TMCO6: variants seen among roughly 807,000 people sequenced by gnomAD.
The protein encoded by TMCO6 is transmembrane and coiled-coil domains 6, also known as transmembrane and coiled-coil domain-containing protein 6.
TMCO6 carries 47 observed loss-of-function variants against 61.8 expected under a neutral mutation model. That is an observed-to-expected ratio of 0.76 (90% CI 0.60 to 0.97). The LOEUF is 0.97. TMCO6 is among the 50% of genes least tolerant of loss of function. The probability of loss-of-function intolerance (pLI) is 0.00; values close to 1 mark genes in which losing one functional copy is unlikely to be tolerated. For synonymous variants in TMCO6, 261 were observed against 254.2 expected (o/e 1.03, Z -0.25); for missense variants, 557 against 601.6 (o/e 0.93, Z 0.78).
chr5:140,632,089 G>A, the TMCO6 span: 1 of 1,614,208 alleles, frequency 6.2e-7, no homozygotes, highest in East Asian at 2.2e-5. The surrounding 1 kb of genome is among the most constrained non-coding windows in gnomAD (Gnocchi z 6.2). Flanking sequence ...AGCACTCTGA[G>A]CTTGGCTGGC....
intron 6 of TMCO6, 35 bp downstream of exon 6, chr5:140,642,706 G>T: frequency 6.2e-7 from 1 of 1,609,668 alleles, no homozygotes; most frequent in Non-Finnish European, 8.5e-7. Context: ...GCAGCCAGAG[G>T]TGACCCACTC....
rs750360790 is a variant in TMCO6, at chr5:140,645,031, G to C, written c.1415G>C (p.Arg472Thr). The C allele has an allele frequency of 6.2e-7, 1 of 1,614,218 alleles. No homozygotes were observed. The highest frequency in any genetic ancestry group is 8.5e-7 in the Non-Finnish European group (1 of 1,180,040). ...CAGTCAGGGCTGCAAGCCCTGGAAA[G>C]GCATCAGGAAGAGGCCCAGCTCCAG... is the stretch of plus-strand genomic sequence containing the variant. ...LQQSGLQALE[R>T]HQEEAQLQDR... Residue 472 changes from arginine to threonine, a missense_variant, in exon 12 of 12, where the codon AGG (arginine) becomes ACG (threonine). Coordinates refer to ENST00000394671, the MANE Select transcript of TMCO6 (RefSeq NM_018502.5).
the TMCO6 span, among the ~76,000 whole-genome samples, chr5:140,605,689 C>T: frequency 8.8e-6 from 1 of 113,922 alleles, no homozygotes; most frequent in East Asian, 2.6e-4. Flanking sequence ...CAAAAAAAAA[C>T]AAAACACACA....
the TMCO6 span, among the ~76,000 whole-genome samples, chr5:140,624,470 T>C: frequency 1.3e-5 from 2 of 152,180 alleles, no homozygotes; most frequent in Admixed American, 6.5e-5. Context: ...TAGAACATTT[T>C]TATCACCCCA....
the TMCO6 span, among the ~76,000 whole-genome samples, chr5:140,614,432 C>T: frequency 6.6e-6 from 1 of 152,012 alleles, no homozygotes; most frequent in Admixed American, 6.6e-5. Context: ...TGCTTGAACC[C>T]GGGAAGCAGA....
chr5:140,630,755 G>T, the TMCO6 span, among the ~76,000 whole-genome samples: 1 of 152,192 alleles, frequency 6.6e-6, no homozygotes. Flanking sequence ...GTCTGGTTCT[G>T]GTAATGTCTG....
At chr5:140,604,937 C>A in the TMCO6 span, among the ~76,000 whole-genome samples, 2 of 152,004 alleles carry the variant, frequency 1.3e-5, no homozygotes, top group East Asian at 3.8e-4. Flanking sequence ...TACAGTTGTT[C>A]TGTGTCAATA....
At chr5:140,602,835 C>T in the TMCO6 span, among the ~76,000 whole-genome samples, 1 of 150,890 alleles carries the variant, frequency 6.6e-6, no homozygotes. Context: ...AATGGCCATG[C>T]GTGGTGGCTC....
chr5:140,628,011 C>CTTT, the TMCO6 span, among the ~76,000 whole-genome samples: 2 of 144,126 alleles, frequency 1.4e-5, no homozygotes, highest in Non-Finnish European at 3.0e-5. Flanking sequence ...GGTTGACTAT[C>CTTT]TTTTTTTTTT....
At chr5:140,647,561 C>T (rs1296193940), downstream of TMCO6, 2 of 1,611,242 alleles carry the variant, frequency 1.2e-6, no homozygotes, top group Admixed American at 3.3e-5. Flanking sequence ...CCCGACTCCT[C>T]GACTTGCTGC....
chr5:140,640,414 T>C (rs1440412215), intron 2 of TMCO6, among the ~76,000 whole-genome samples: 1 of 150,314 alleles, frequency 6.7e-6, no homozygotes, highest in South Asian at 2.1e-4. Context: ...TCTTTTCTTT[T>C]CTTTTTTTTT....
At chr5:140,619,356 G>C in the TMCO6 span, among the ~76,000 whole-genome samples, 2 of 152,042 alleles carry the variant, frequency 1.3e-5, no homozygotes, top group African/African-American at 4.8e-5. Context: ...CAAGCAGCCA[G>C]AAAAAAACAA....
chr5:140,647,519 T>C, downstream of TMCO6: 1 of 1,612,540 alleles, frequency 6.2e-7, no homozygotes. Context: ...CTGACATAAG[T>C]GGATGCGAAT....
chr5:140,643,869 G>A lies in TMCO6; in HGVS notation c.1008G>A (p.Glu336=), dbSNP rs766091746. The change falls in exon 9 of 12, where the codon GAG becomes GAA. Residue 336 remains glutamate, a synonymous_variant. Transcript: ENST00000394671. Reference sequence around the variant, plus strand: ...GAGGGCAAATGCAGCTCAGAGATGAGCGTGTTGTGGCAGCCTTATTTATCC... The same window carrying A: ...GAGGGCAAATGCAGCTCAGAGATGAACGTGTTGTGGCAGCCTTATTTATCC... The part of the protein sequence containing the change: ...TVGGQMQLRD[E]RVVAALFILL... 2 of 1,614,224 alleles carry A rather than the reference G, an allele frequency of 1.2e-6. No homozygotes were observed. The highest frequency in any genetic ancestry group is 1.7e-6 in the Non-Finnish European group (2 of 1,180,046).
downstream of TMCO6, chr5:140,645,505 G>A (rs764944990): frequency 1.9e-5 from 29 of 1,543,382 alleles, no homozygotes; most frequent in South Asian, 1.2e-4. Context: ...TGAGGAATAG[G>A]AGAACACATT....
At chr5:140,647,636 T>C (rs747127939), downstream of TMCO6, 20 of 1,585,154 alleles carry the variant, frequency 1.3e-5, no homozygotes, top group East Asian at 4.1e-4. Context: ...AGTGCTCCGG[T>C]CTGACCAACC....
the TMCO6 span, among the ~76,000 whole-genome samples, chr5:140,630,048 G>A: frequency 6.6e-6 from 1 of 150,922 alleles, no homozygotes; most frequent in East Asian, 2.0e-4. Context: ...GGAGTGCAGT[G>A]GCGTGATCTT....
At chr5:140,645,521 C>T, downstream of TMCO6, 1 of 1,593,362 alleles carries the variant, frequency 6.3e-7, no homozygotes, top group Non-Finnish European at 8.6e-7. Context: ...ACATTTTTTT[C>T]ACATTATACT....
chr5:140,617,745 A>C, the TMCO6 span, among the ~76,000 whole-genome samples: 1 of 150,130 alleles, frequency 6.7e-6, no homozygotes, highest in Non-Finnish European at 1.5e-5. Context: ...AAAAAAAAAA[A>C]AAACTCAAGG....
Sources: allele counts gnomAD v4.1 joint callset (sites outside exome capture counted in the v4.1 genomes callset), GRCh38; gene constraint gnomAD v4.1.1; non-coding constraint Gnocchi (gnomAD v3.1); transcripts MANE v1.5; gene names NCBI Gene and HGNC (gene_info 2026-07-23, HGNC 2026-07-21).